Variants in CNTNAP5 observed in about 807,000 individuals in gnomAD.
The protein encoded by CNTNAP5 is contactin-associated protein-like 5.
Under a neutral mutation model 150.2 loss-of-function variants are expected in CNTNAP5, and 72 were observed. The ratio of observed to expected loss-of-function variants is 0.48; its 90% CI spans 0.40 to 0.58. The LOEUF (loss-of-function observed/expected upper bound fraction) is 0.58, where lower values mean the gene tolerates loss of function less well. Ranked by LOEUF, CNTNAP5 falls within the 20% of genes least tolerant of loss-of-function variation. CNTNAP5 has a pLI of 0.00. For missense variants in CNTNAP5, 1,636 were observed against 1,626.2 expected, an observed-to-expected ratio of 1.01 and a Z score of -0.10; for synonymous variants, 672 against 619.8, an observed-to-expected ratio of 1.08 and a Z score of -1.25.
intron 1 of CNTNAP5, among the ~76,000 whole-genome samples, chr2:124,153,196 TGGA>T (rs2104636913): frequency 6.6e-6 from 1 of 152,274 alleles, no homozygotes; most frequent in South Asian, 2.1e-4. Flanking sequence ...ATTAAAAAGA[TGGA>T]AACAAACTGA....
rs140100667 is a variant in CNTNAP5, at chr2:124,292,979, G to A, written c.381+50586G>A. Among the ~76,000 whole-genome samples, 649 of 152,072 alleles carry A rather than the reference G, an allele frequency of 4.3e-3. 7 individuals carry two copies. The highest frequency in any genetic ancestry group is 0.031 in the East Asian group (158 of 5,178). ...TTCAGAAAAATGCAATAATGAGGTA[G>A]TAGAGACAGAGCTAAAGTATAAAGT... is the stretch of plus-strand genomic sequence containing the variant. On this transcript the variant is annotated intron_variant, in intron 3 of 23. Transcript: ENST00000682447.
chr2:124,302,734 G>A (rs1688595648), intron 3 of CNTNAP5, among the ~76,000 whole-genome samples: 1 of 152,190 alleles, frequency 6.6e-6, no homozygotes, highest in Non-Finnish European at 1.5e-5. Context: ...GCAAGCCACA[G>A]TGGTACCCAT....
At chr2:124,693,312 T>G (rs1012707555) in intron 13 of CNTNAP5, among the ~76,000 whole-genome samples, 4 of 152,104 alleles carry the variant, frequency 2.6e-5, no homozygotes, top group African/African-American at 9.7e-5. Flanking sequence ...CATTCAATGT[T>G]CAAAATAAAA....
In CNTNAP5 at chr2:124,902,874, C is replaced by A. The variant is rs781288373; in HGVS notation, c.3437-8C>A. On this transcript the variant is annotated splice_region_variant and splice_polypyrimidine_tract_variant and intron_variant, in intron 21 of 23. Coordinates refer to ENST00000682447, the MANE Select transcript of CNTNAP5 (RefSeq NM_001367498.1). ...GTAAAGGACTTCTGATTATCTTTTA[C>A]ATTGCAGAGAATCTTGGTTTGGATT... 6.3e-7 allele frequency: 1 copy of A among 1,595,200 alleles called. No homozygotes were observed. The highest frequency in any genetic ancestry group is 8.6e-7 in the Non-Finnish European group (1 of 1,166,614).
intron 2 of CNTNAP5, 22 bp from the exon 3 acceptor site, chr2:124,242,178 A>G (rs1198183449): frequency 6.4e-7 from 1 of 1,555,196 alleles, no homozygotes. Context: ...ACTCTCTCTC[A>G]CTCTCTCTGA....
At chr2:124,052,920 C>G (rs1475826912) in intron 1 of CNTNAP5, among the ~76,000 whole-genome samples, 1 of 152,174 alleles carries the variant, frequency 6.6e-6, no homozygotes, top group African/African-American at 2.4e-5. Context: ...AGCCCAGTAT[C>G]AACCCCTCCT....
chr2:124,733,342 C>T (rs1015498644), intron 13 of CNTNAP5, among the ~76,000 whole-genome samples: 1 of 151,576 alleles, frequency 6.6e-6, no homozygotes, highest in Non-Finnish European at 1.5e-5. Flanking sequence ...CATTTTTTTT[C>T]AAAGTGCTAT....
At chr2:124,909,764 GCT>G (rs1042849296) in intron 22 of CNTNAP5, among the ~76,000 whole-genome samples, 1 of 127,538 alleles carries the variant, frequency 7.8e-6, no homozygotes, top group Non-Finnish European at 1.6e-5. Flanking sequence ...TTATCTGCCC[GCT>G]CTCTCTCTGT....
chr2:124,519,829 T>A (rs940637359), intron 8 of CNTNAP5, among the ~76,000 whole-genome samples: 2 of 152,186 alleles, frequency 1.3e-5, no homozygotes, highest in Non-Finnish European at 2.9e-5. Context: ...TTTATTTGAT[T>A]CCTAGGAAAG....
At chr2:124,408,544 G>A (rs1034551016) in intron 3 of CNTNAP5, among the ~76,000 whole-genome samples, 9 of 151,874 alleles carry the variant, frequency 5.9e-5, no homozygotes, top group Non-Finnish European at 8.8e-5. Flanking sequence ...TCTGAGAACG[G>A]GCAGACTGCC....
intron 3 of CNTNAP5, among the ~76,000 whole-genome samples, chr2:124,266,855 AAG>A (rs1687618025): frequency 6.6e-6 from 1 of 152,128 alleles, no homozygotes; most frequent in African/African-American, 2.4e-5. Context: ...GAATGGCAAA[AAG>A]ACAGCATCTT....
In CNTNAP5 at chr2:124,915,394, C is replaced by T. The variant is rs1231706145; in HGVS notation, c.*1106C>T. 6.0e-6 allele frequency: 1 copy of T among 166,106 alleles called. No individual in the cohort carries two copies. The highest frequency in any genetic ancestry group is 1.5e-5 in the Non-Finnish European group (1 of 67,934). The allele number at this position is 166,106 out of a possible 1,614,324, so 10.3% of individuals were successfully genotyped here. A position where few individuals can be genotyped will look rare whatever the true frequency, so the allele number is the denominator to read the frequency against. On this transcript the variant is annotated 3_prime_UTR_variant, in exon 24 of 24. Transcript: ENST00000682447. ...AAAACTGCATGAAAGAAGAAAAATA[C>T]CAAACAGAATTCTTCCCTTCCATTC...
At chr2:124,353,155 A>T (rs1689916206) in intron 3 of CNTNAP5, among the ~76,000 whole-genome samples, 1 of 152,106 alleles carries the variant, frequency 6.6e-6, no homozygotes, top group East Asian at 1.9e-4. Flanking sequence ...TTTTCAATGT[A>T]AGCGAATTCT....
intron 21 of CNTNAP5, among the ~76,000 whole-genome samples, chr2:124,887,362 A>G (rs1678101921): frequency 6.6e-6 from 1 of 152,056 alleles, no homozygotes. Flanking sequence ...ACATGTTTTC[A>G]ATTCAAGGGG....
In CNTNAP5 at chr2:124,789,986, G is replaced by C; in HGVS notation, c.2837G>C (p.Arg946Thr). Residue 946 changes from arginine to threonine, a missense_variant, in exon 18 of 24, where the codon AGG becomes ACG. Transcript: ENST00000682447. The part of the protein sequence containing the change: ...LNGQKMDLEE[R>T]AKVTSGVRPG... ...GGACAGAAAATGGACCTGGAAGAGAGGGCAAAGGTCACATCTGGAGTCAGG... is the reference window on the plus strand; with the variant it reads ...GGACAGAAAATGGACCTGGAAGAGACGGCAAAGGTCACATCTGGAGTCAGG... 2 of 1,613,946 alleles carry C rather than the reference G, an allele frequency of 1.2e-6. No individual in the cohort carries two copies. The highest frequency in any genetic ancestry group is 1.7e-5 in the Admixed American group (1 of 60,010).
At chr2:124,633,451 A>G (rs1677906202) in intron 12 of CNTNAP5, among the ~76,000 whole-genome samples, 1 of 152,180 alleles carries the variant, frequency 6.6e-6, no homozygotes, top group Non-Finnish European at 1.5e-5. Flanking sequence ...TTCATGTCTC[A>G]CCTCCAGAGC....
chr2:124,064,492 G>A (rs950851652), intron 1 of CNTNAP5, among the ~76,000 whole-genome samples: 3 of 151,982 alleles, frequency 2.0e-5, no homozygotes, highest in African/African-American at 7.3e-5. Flanking sequence ...CCAAACCAGG[G>A]TCTTTGCATA....
chr2:124,399,890 A>G (rs939133550), intron 3 of CNTNAP5, among the ~76,000 whole-genome samples: 3 of 152,176 alleles, frequency 2.0e-5, no homozygotes, highest in Non-Finnish European at 4.4e-5. Flanking sequence ...GACACTTAAG[A>G]TTCCTAAATC....
chr2:124,154,014 A>G (rs1684468003), intron 1 of CNTNAP5, among the ~76,000 whole-genome samples: 4 of 152,052 alleles, frequency 2.6e-5, no homozygotes, highest in Admixed American at 2.0e-4. Context: ...TCCATATGCC[A>G]TCCCAGCGGA....
Sources: allele counts gnomAD v4.1 joint callset (sites outside exome capture counted in the v4.1 genomes callset), GRCh38; gene constraint gnomAD v4.1.1; transcripts MANE v1.5; gene names NCBI Gene and HGNC (gene_info 2026-07-23, HGNC 2026-07-21).